The following SS18L1 variants were observed in gnomAD, a reference collection of about 807,000 sequenced individuals.
SS18L1 encodes SS18L1 subunit of BAF chromatin remodeling complex.
Under a neutral mutation model 70.3 loss-of-function variants are expected in SS18L1, and 32 were observed. The observed-to-expected ratio is 0.46, with a 90% CI of 0.34 to 0.61. The LOEUF is 0.61. Ranked by LOEUF, SS18L1 falls within the 20% of genes least tolerant of loss-of-function variation. The probability of loss-of-function intolerance (pLI) is 0.01; values close to 1 mark genes in which losing one functional copy is unlikely to be tolerated. For missense variants in SS18L1, 430 were observed against 542.1 expected (o/e 0.79, Z 2.05); for synonymous variants, 237 against 229.7 (o/e 1.03, Z -0.29).
chr20:62,151,007 C>T, intron 1 of SS18L1, among the ~76,000 whole-genome samples: 1 of 152,184 alleles, frequency 6.6e-6, no homozygotes, highest in African/African-American at 2.4e-5. Context: ...ACCATGAGGA[C>T]ACTGGAGGTC....
At position 62,174,057 on chromosome 20, in the gene SS18L1, G is replaced by A. The variant is rs1249446848; in HGVS notation, c.1037-460G>A. On this transcript the variant is annotated intron_variant, in intron 9 of 10. Coordinates refer to ENST00000331758, the MANE Select transcript of SS18L1 (RefSeq NM_198935.3). This position sits in a 1 kb window ranked among gnomAD's most constrained non-coding sequence, Gnocchi z 4.1. Reference sequence around the variant, plus strand: ...AAATTGGCCTCTATCAGTTCTTGCCGGAGCCTTTGACTTAGCCTTCCTAGA... The same window carrying A: ...AAATTGGCCTCTATCAGTTCTTGCCAGAGCCTTTGACTTAGCCTTCCTAGA... Among the ~76,000 whole-genome samples the A allele has an allele frequency of 3.9e-5, 6 of 152,098 alleles. No homozygotes were observed. The highest frequency in any genetic ancestry group is 2.1e-4 in the South Asian group (1 of 4,812).
intron 1 of SS18L1, among the ~76,000 whole-genome samples, chr20:62,146,830 G>A (rs1028535542): frequency 1.3e-5 from 2 of 151,966 alleles, no homozygotes; most frequent in African/African-American, 4.8e-5. Context: ...TGTTGGCCAG[G>A]CTGGTCTTGA....
chr20:62,150,633 A>AATTTTTTTTTTTTTTTT (rs1199902967), intron 1 of SS18L1, among the ~76,000 whole-genome samples: 2 of 58,030 alleles, frequency 3.4e-5, no homozygotes, highest in Non-Finnish European at 7.1e-5. Flanking sequence ...ATTGAGGTGG[A>AATTTTTTTTTTTTTTTT]TTTTTTTTTT....
In SS18L1 at chr20:62,174,705, G is replaced by C; in HGVS notation, c.1164+61G>C. 1 of 1,612,288 alleles carries C rather than the reference G, an allele frequency of 6.2e-7. No homozygotes were observed. ...GCCGCGCCTGTCGAGACATAATGAA[G>C]ATTTCTCTTATGGCCATGAGGAATA... On this transcript the variant is annotated intron_variant, in intron 10 of 10. Transcript: ENST00000331758. This position sits in a 1 kb window ranked among gnomAD's most constrained non-coding sequence, Gnocchi z 4.1.
intron 8 of SS18L1, among the ~76,000 whole-genome samples, chr20:62,169,325 A>C (rs145345092): frequency 6.6e-6 from 1 of 152,302 alleles, no homozygotes; most frequent in African/African-American, 2.4e-5. Context: ...ACACCAAAAC[A>C]ACCAACACAA....
Position 62,158,055 on chromosome 20 carries a change from C to G in SS18L1, c.70-617C>G, listed in dbSNP as rs1248843066. On this transcript the variant is annotated intron_variant, in intron 1 of 10. Coordinates refer to ENST00000331758, the MANE Select transcript of SS18L1 (RefSeq NM_198935.3). The surrounding 1 kb of genome is among the most constrained non-coding windows in gnomAD (Gnocchi z 4.5). ...AGGGGGCAGTTACCTGTGCCCCACC[C>G]TGTGTGGTTGCAATTCGAGGCTATC... is the stretch of plus-strand genomic sequence containing the variant. Among the ~76,000 whole-genome samples, 1 of 152,166 alleles carries G rather than the reference C, an allele frequency of 6.6e-6. No homozygotes were observed. The highest frequency in any genetic ancestry group is 6.5e-5 in the Admixed American group (1 of 15,272).
intron 6 of SS18L1, 42 bp downstream of exon 6, chr20:62,163,664 C>T (rs1290442449): frequency 1.2e-5 from 18 of 1,495,510 alleles, no homozygotes; most frequent in South Asian, 1.0e-4. Flanking sequence ...AGCTGACCGC[C>T]GCGGGTCGTG....
intron 1 of SS18L1, among the ~76,000 whole-genome samples, chr20:62,146,620 T>C (rs1393103139): frequency 7.0e-6 from 1 of 142,326 alleles, no homozygotes; most frequent in Non-Finnish European, 1.5e-5. Context: ...TTTTTTTTTT[T>C]TTTTTTGAGA....
chr20:62,166,906 C>T (rs1478014577), intron 8 of SS18L1, among the ~76,000 whole-genome samples: 1 of 149,400 alleles, frequency 6.7e-6, no homozygotes, highest in Admixed American at 6.6e-5. Context: ...GCCTGGGCAA[C>T]AAGAGTGAAA....
intron 1 of SS18L1, among the ~76,000 whole-genome samples, chr20:62,146,347 G>T (rs529410749): frequency 1.6e-4 from 24 of 152,354 alleles, no homozygotes; most frequent in African/African-American, 5.1e-4. Context: ...AGCACGTGCT[G>T]GATCATCTGT....
chr20:62,155,999 C>A (rs745551051), intron 1 of SS18L1, among the ~76,000 whole-genome samples: 19 of 151,938 alleles, frequency 1.3e-4, no homozygotes, highest in Non-Finnish European at 2.5e-4. Flanking sequence ...GTCTAACATA[C>A]ATGAGAAAGT....
chr20:62,148,650 G>T (rs2057075639), intron 1 of SS18L1, among the ~76,000 whole-genome samples: 1 of 152,256 alleles, frequency 6.6e-6, no homozygotes, highest in Admixed American at 6.5e-5. Flanking sequence ...GGTGAGGGAG[G>T]CGCTCTGCAA....
intron 8 of SS18L1, among the ~76,000 whole-genome samples, chr20:62,170,763 T>C (rs2057516778): frequency 6.6e-6 from 1 of 152,202 alleles, no homozygotes; most frequent in South Asian, 2.1e-4. Flanking sequence ...GAGCACCCAC[T>C]GGGGTGTGAG....
At position 62,159,832 on chromosome 20, in the gene SS18L1, CTG is replaced by C. The variant is rs1273332242; in HGVS notation, c.147-42_147-41del. On this transcript the variant is annotated intron_variant, in intron 2 of 10. Transcript: ENST00000331758. This position sits in a 1 kb window ranked among gnomAD's most constrained non-coding sequence, Gnocchi z 4.4. The stretch of plus-strand genomic sequence containing the variant: ...TCTGCCTTGGATCCACGTGGGGACT[CTG>C]TGGTCCCGTCGTCCTGCCTCATGCG... 6.9e-6 allele frequency: 11 copies of C among 1,584,848 alleles called. 1 individual carries two copies. Among genetic ancestry groups the C allele is most frequent in the South Asian group, 5.6e-5 (5 of 88,974 alleles).
At chr20:62,146,349 A>G (rs2057025609) in intron 1 of SS18L1, among the ~76,000 whole-genome samples, 1 of 152,238 alleles carries the variant, frequency 6.6e-6, no homozygotes, top group Admixed American at 6.5e-5. Context: ...CACGTGCTGG[A>G]TCATCTGTGA....
At chr20:62,177,075 A>G (rs1415551445) in intron 10 of SS18L1, among the ~76,000 whole-genome samples, 1 of 152,228 alleles carries the variant, frequency 6.6e-6, no homozygotes, top group East Asian at 1.9e-4. Context: ...AGACATTGTC[A>G]GATGCCCCAG....
rs957333840 is a variant in SS18L1 at position 62,174,975 on chromosome 20, A to T, written c.1164+331A>T. On this transcript the variant is annotated intron_variant, in intron 10 of 10. Transcript: ENST00000331758. This position sits in a 1 kb window ranked among gnomAD's most constrained non-coding sequence, Gnocchi z 4.1. ...TGCTTGGTGTGTGGCCGCGACACGA[A>T]CCCTGCACTTTTAGAGCTTATGTCT... The T allele has an allele frequency of 4.3e-6, 4 of 921,434 alleles. No individual in the cohort carries two copies. The African/African-American group carries it at 7.2e-5, about 17-fold the overall frequency. 57.1% of individuals were successfully genotyped at this position (921,434 alleles called of 1,614,324 possible).
chr20:62,145,940 A>T (rs1423647459), intron 1 of SS18L1, among the ~76,000 whole-genome samples: 1 of 152,200 alleles, frequency 6.6e-6, no homozygotes, highest in Non-Finnish European at 1.5e-5. Flanking sequence ...GACCCCTCTG[A>T]AGCCTGCGTG....
In SS18L1 at chr20:62,180,616, C is replaced by T. The variant is rs529960737; in HGVS notation, c.*1408C>T. ...TTTGTTTTAAAAGTTAAAAGTAATT[C>T]TTGGCGTGGTGGTTCACGCCTGTAA... On this transcript the variant is annotated 3_prime_UTR_variant, in exon 11 of 11. Transcript: ENST00000331758. The T allele has an allele frequency of 5.8e-6, 1 of 171,652 alleles. No homozygotes were observed. The highest frequency in any genetic ancestry group is 1.0e-4 in the East Asian group (1 of 9,614). 10.6% of individuals were successfully genotyped at this position (171,652 alleles called of 1,614,324 possible).
Sources: gnomAD v4.1 joint callset for allele counts (sites outside exome capture counted in the v4.1 genomes callset) on GRCh38, gnomAD v4.1.1 for gene constraint, Gnocchi (gnomAD v3.1) non-coding constraint, MANE v1.5 for transcripts, NCBI Gene and HGNC (gene_info 2026-07-23, HGNC 2026-07-21) for gene names.